The following ACAP2 variants were observed in gnomAD, a reference collection of about 807,000 sequenced individuals.
The protein encoded by ACAP2 is ArfGAP with coiled-coil, ankyrin repeat and PH domains 2.
ACAP2 carries 39 observed loss-of-function variants against 115.8 expected under a neutral mutation model. The ratio of observed to expected loss-of-function variants is 0.34; its 90% confidence interval spans 0.26 to 0.44. The LOEUF is 0.44. Ranked by LOEUF, ACAP2 falls within the 20% of genes least tolerant of loss-of-function variation. The pLI is 1.00. For missense variants in ACAP2, 662 were observed against 927.6 expected, an observed-to-expected ratio of 0.71 and a Z score of 3.72; for synonymous variants, 289 against 315.8, an observed-to-expected ratio of 0.92 and a Z score of 0.90.
At chr3:195,325,189 A>C (rs1327580611) in intron 9 of ACAP2, among the ~76,000 whole-genome samples, 1 of 152,180 alleles carries the variant, frequency 6.6e-6, no homozygotes. Flanking sequence ...TTTGAAAAAC[A>C]ATGTAGCATT....
intron 2 of ACAP2, among the ~76,000 whole-genome samples, chr3:195,390,032 C>T (rs1407834251): frequency 6.6e-6 from 1 of 152,120 alleles, no homozygotes; most frequent in African/African-American, 2.4e-5. Context: ...CCCGTCTCTA[C>T]TAAAATACAA....
Position 195,377,035 on chromosome 3 carries a change from C to T in ACAP2, c.285+3974G>A, listed in dbSNP as rs1577380837. On this transcript the variant is annotated intron_variant, in intron 4 of 22. Coordinates refer to ENST00000326793, the MANE Select transcript of ACAP2 (RefSeq NM_012287.6). ...TACATGTTAACAAATGGCTCTGAGA[C>T]CAAATTTAAATCTTATAATAAATGC... is the stretch of plus-strand genomic sequence containing the variant. Among the ~76,000 whole-genome samples, 5 of 150,612 alleles carry T rather than the reference C, an allele frequency of 3.3e-5. No individual in the cohort carries two copies. In the Admixed American group the frequency reaches 3.3e-4, roughly 10 times the overall value.
At chr3:195,430,732 T>A (rs1455950026) in intron 1 of ACAP2, among the ~76,000 whole-genome samples, 1 of 150,842 alleles carries the variant, frequency 6.6e-6, no homozygotes, top group Non-Finnish European at 1.5e-5. Flanking sequence ...AAAAAAAAAA[T>A]CATATGGGGA....
At chr3:195,334,222 CA>C (rs34378421) in intron 7 of ACAP2, among the ~76,000 whole-genome samples, 2,194 of 127,998 alleles carry the variant, frequency 0.017, 41 homozygotes, top group African/African-American at 0.049. Context: ...AAACTATTTT[CA>C]AAAAAAAAAA....
rs781665213 is a variant in ACAP2, at chr3:195,301,985, C to T, written c.1306G>A (p.Glu436Lys). 7 of 1,613,352 alleles carry T rather than the reference C, an allele frequency of 4.3e-6. No individual in the cohort carries two copies. Among genetic ancestry groups the T allele is most frequent in the South Asian group, 1.1e-5 (1 of 91,048 alleles). ...SINLGITLCI[E>K]CSGIHRSLGV... ...ACCCACCGGTGAATTCCGGAGCACT[C>T]GATACACAAGGTGATGCCCAGGTTG... Residue 436 changes from glutamate (E) to lysine (K), a missense_variant, in exon 14 of 23, where the codon GAG becomes AAG. By Grantham distance (56) the Glu-to-Lys change is moderately conservative (BLOSUM62 1). Coordinates refer to ENST00000326793, the MANE Select transcript of ACAP2 (RefSeq NM_012287.6).
At chr3:195,330,750 A>C (rs953551587) in intron 8 of ACAP2, among the ~76,000 whole-genome samples, 7 of 152,232 alleles carry the variant, frequency 4.6e-5, no homozygotes, top group Admixed American at 6.5e-5. Flanking sequence ...ACCTGGCATT[A>C]ACGTTAATTT....
chr3:195,374,696 T>C (rs986768999), intron 4 of ACAP2, among the ~76,000 whole-genome samples: 20 of 134,706 alleles, frequency 1.5e-4, no homozygotes, highest in South Asian at 2.6e-4. Context: ...AAATATTTCA[T>C]GCAGAAGACC....
At chr3:195,335,229 C>T (rs1372807220) in intron 7 of ACAP2, among the ~76,000 whole-genome samples, 1 of 152,062 alleles carries the variant, frequency 6.6e-6, no homozygotes, top group Non-Finnish European at 1.5e-5. Context: ...CCAACAGAGA[C>T]CATGAGGCCT....
intron 1 of ACAP2, among the ~76,000 whole-genome samples, chr3:195,429,631 A>T (rs1714958444): frequency 1.3e-5 from 2 of 152,202 alleles, no homozygotes; most frequent in Non-Finnish European, 2.9e-5. Context: ...ACAGAGGTGT[A>T]GGTGACGGGT....
chr3:195,285,808 A>G lies in ACAP2; in HGVS notation c.2224T>C (p.Tyr742His), dbSNP rs1577232879. The G allele has an allele frequency of 6.2e-7, 1 of 1,612,158 alleles. No individual in the cohort carries two copies. The highest frequency in any genetic ancestry group is 8.5e-7 in the Non-Finnish European group (1 of 1,179,268). Residue 742 changes from tyrosine (Y) to histidine (H), a missense_variant, in exon 22 of 23, where the codon TAT becomes CAT. Transcript: ENST00000326793. ...GTAGAATATTGACCTGGCTGTCCAT[A>G]AAGTCCTTCTGATTCCCGCATCTCT... Reference protein sequence around the residue: ...NEEMRESEGLYGQPGDETYQD... With the variant: ...NEEMRESEGLHGQPGDETYQD...
chr3:195,407,392 A>C (rs949504863), intron 1 of ACAP2, among the ~76,000 whole-genome samples: 4 of 152,094 alleles, frequency 2.6e-5, no homozygotes, highest in African/African-American at 9.7e-5. Flanking sequence ...TTAAAAATAT[A>C]GTTATAAATG....
At chr3:195,279,784 A>G (rs1031154588) in intron 22 of ACAP2, 1 of 157,966 alleles carries the variant, frequency 6.3e-6, no homozygotes, top group African/African-American at 2.4e-5. Context: ...CTTTAAATAA[A>G]TATTTCCCTT....
chr3:195,417,784 C>CA, intron 1 of ACAP2, among the ~76,000 whole-genome samples: 1 of 152,034 alleles, frequency 6.6e-6, no homozygotes, highest in East Asian at 1.9e-4. Context: ...TCCATCTCTA[C>CA]AAAAAATTTT....
rs1345260484 is a variant in ACAP2, at chr3:195,321,496, CACA to C, written c.745-686_745-684del. ...CCCAAAGTGCTGGGATTACAGGCAT[CACA>C]ACATTTTATGGTGATATGTGTTAAC... On this transcript the variant is annotated intron_variant, in intron 9 of 22. Coordinates refer to ENST00000326793, the MANE Select transcript of ACAP2 (RefSeq NM_012287.6). Among the ~76,000 whole-genome samples the C allele has an allele frequency of 2.6e-5, 4 of 151,422 alleles. No individual in the cohort carries two copies. In the East Asian group the frequency reaches 7.9e-4, roughly 30 times the overall value.
chr3:195,384,830 T>C (rs894180752), intron 2 of ACAP2, among the ~76,000 whole-genome samples: 2 of 152,204 alleles, frequency 1.3e-5, no homozygotes, highest in African/African-American at 4.8e-5. Flanking sequence ...CACACTTTTT[T>C]ACCTTCAAAT....
intron 1 of ACAP2, among the ~76,000 whole-genome samples, chr3:195,429,558 CAG>C (rs1224308650): frequency 6.6e-6 from 1 of 151,966 alleles, no homozygotes. Context: ...AAAAGCAAAA[CAG>C]TGGTTGTCTT....
chr3:195,367,622 C>T (rs1282591657), intron 4 of ACAP2, among the ~76,000 whole-genome samples: 1 of 152,152 alleles, frequency 6.6e-6, no homozygotes, highest in Non-Finnish European at 1.5e-5. Context: ...TTGCTTTGAT[C>T]AAAAGAATGC....
intron 1 of ACAP2, among the ~76,000 whole-genome samples, chr3:195,403,239 A>C (rs1712465950): frequency 6.6e-6 from 1 of 152,212 alleles, no homozygotes; most frequent in Non-Finnish European, 1.5e-5. Flanking sequence ...GTACGGCCGA[A>C]ACAGAACCAG....
intron 13 of ACAP2, among the ~76,000 whole-genome samples, chr3:195,304,365 G>A (rs1728282772): frequency 6.6e-6 from 1 of 152,024 alleles, no homozygotes; most frequent in Admixed American, 6.6e-5. Flanking sequence ...TAATGTTTTT[G>A]CACCAAATTA....
Sources: allele counts gnomAD v4.1 joint callset (sites outside exome capture counted in the v4.1 genomes callset), GRCh38; gene constraint gnomAD v4.1.1; transcripts MANE v1.5; gene names NCBI Gene and HGNC (gene_info 2026-07-23, HGNC 2026-07-21).